Variants in CNTNAP2 observed in about 807,000 individuals in gnomAD.
The protein encoded by CNTNAP2 is contactin-associated protein-like 2.
In CNTNAP2, 98 loss-of-function variants were observed where a neutral mutation model predicts 155.2. The ratio of observed to expected loss-of-function variants is 0.63; its 90% confidence interval spans 0.54 to 0.75. The LOEUF is 0.75. CNTNAP2 is among the 30% of genes least tolerant of loss of function. The probability of loss-of-function intolerance (pLI) is 0.00; values close to 1 mark genes in which losing one functional copy is unlikely to be tolerated. For missense variants in CNTNAP2, 1,727 were observed against 1,688.1 expected (o/e 1.02, Z -0.40); for synonymous variants, 651 against 631.2 (o/e 1.03, Z -0.47).
chr7:146,731,760 C>G (rs1563208376), intron 1 of CNTNAP2, among the ~76,000 whole-genome samples: 1 of 152,050 alleles, frequency 6.6e-6, no homozygotes, highest in Non-Finnish European at 1.5e-5. Flanking sequence ...TTAACACATT[C>G]CAAAATTCCT....
chr7:147,027,782 C>G (rs1037326071), intron 3 of CNTNAP2, among the ~76,000 whole-genome samples: 2 of 152,116 alleles, frequency 1.3e-5, no homozygotes, highest in Non-Finnish European at 2.9e-5. Flanking sequence ...GGACCTCCAG[C>G]ACCTGGGACA....
intron 12 of CNTNAP2, among the ~76,000 whole-genome samples, chr7:147,610,561 A>T (rs2116876111): frequency 6.6e-6 from 1 of 152,202 alleles, no homozygotes; most frequent in African/African-American, 2.4e-5. Flanking sequence ...TAAAATGCAG[A>T]GTGGGTTATA....
intron 12 of CNTNAP2, among the ~76,000 whole-genome samples, chr7:147,579,255 T>C (rs1800453032): frequency 6.6e-6 from 1 of 152,152 alleles, no homozygotes. Context: ...TTATCATTCT[T>C]TGTTATCTCC....
chr7:146,910,244 G>A (rs1367202109), intron 3 of CNTNAP2, among the ~76,000 whole-genome samples: 2 of 147,548 alleles, frequency 1.4e-5, no homozygotes, highest in East Asian at 1.9e-4. Flanking sequence ...GTAATTTACA[G>A]ATTCAATGCC....
Position 147,395,712 on chromosome 7 carries a change from C to T in CNTNAP2, c.1602C>T (p.Tyr534=), listed in dbSNP as rs144620232. ...IQVDDQLVNL[Y]EVAQRKPGSF... The stretch of plus-strand genomic sequence containing the variant: ...TGGACGATCAACTTGTAAATTTATA[C>T]GAAGTGGCACAAAGGAAGCCGGGAA... Residue 534 remains tyrosine, a synonymous_variant, in exon 10 of 24, where the codon TAC becomes TAT. Transcript: ENST00000361727. 1.1e-5 allele frequency: 17 copies of T among 1,612,368 alleles called. No individual in the cohort carries two copies. Among genetic ancestry groups the T allele is most frequent in the Admixed American group, 6.7e-5 (4 of 59,868 alleles).
At chr7:148,080,604 CAA>C (rs199500286) in intron 15 of CNTNAP2, among the ~76,000 whole-genome samples, 3 of 69,728 alleles carry the variant, frequency 4.3e-5, no homozygotes, top group Admixed American at 1.6e-4. Flanking sequence ...GACTCCATCT[CAA>C]AAAAAAAAAA....
At chr7:147,523,813 G>A (rs564085086) in intron 11 of CNTNAP2, among the ~76,000 whole-genome samples, 10 of 152,226 alleles carry the variant, frequency 6.6e-5, no homozygotes, top group East Asian at 1.9e-4. Context: ...CAGATGTCTC[G>A]TATGGAGCTA....
intron 17 of CNTNAP2, among the ~76,000 whole-genome samples, chr7:148,162,842 T>C (rs201686725): frequency 4.8e-4 from 63 of 130,988 alleles, no homozygotes; most frequent in African/African-American, 1.6e-3. Flanking sequence ...CAAAAAAAAA[T>C]TTTTTTAATT....
Position 146,774,256 on chromosome 7 carries a change from G to A in CNTNAP2, c.98-15G>A. ...TTGTTGAGTGTCTCTCTCCCTCTCT[G>A]TCTTTTGTTTTCAGAAAAATGTGAT... On this transcript the variant is annotated splice_polypyrimidine_tract_variant and intron_variant, in intron 1 of 23. Coordinates refer to ENST00000361727, the MANE Select transcript of CNTNAP2 (RefSeq NM_014141.6). 1.9e-6 allele frequency: 3 copies of A among 1,598,710 alleles called. No homozygotes were observed. Among genetic ancestry groups the A allele is most frequent in the Non-Finnish European group, 2.6e-6 (3 of 1,167,106 alleles).
At chr7:147,958,719 C>G (rs1195113392) in intron 14 of CNTNAP2, among the ~76,000 whole-genome samples, 2 of 152,088 alleles carry the variant, frequency 1.3e-5, no homozygotes, top group African/African-American at 4.8e-5. Context: ...ATTATACTAC[C>G]ACAACTAAAA....
rs1805210722 is a variant in CNTNAP2, at chr7:148,147,537, A to T, written c.2601A>T (p.Val867=). 1.2e-6 allele frequency: 2 copies of T among 1,614,006 alleles called. No individual in the cohort carries two copies. Among genetic ancestry groups the T allele is most frequent in the Admixed American group, 1.7e-5 (1 of 59,994 alleles). The part of the protein sequence containing the change: ...SFSFDVGNGP[V]EIVVRSPTPL... ...CATTTGATGTGGGAAATGGGCCAGTAGAGATTGTAGTGAGGTCACCAACCC... is the reference window on the plus strand; with the variant it reads ...CATTTGATGTGGGAAATGGGCCAGTTGAGATTGTAGTGAGGTCACCAACCC... The change falls in exon 17 of 24, where the codon GTA becomes GTT. Residue 867 remains valine (V), a synonymous_variant. Coordinates refer to ENST00000361727, the MANE Select transcript of CNTNAP2 (RefSeq NM_014141.6).
At chr7:146,495,263 A>G (rs1309353890) in intron 1 of CNTNAP2, among the ~76,000 whole-genome samples, 2 of 152,146 alleles carry the variant, frequency 1.3e-5, no homozygotes, top group East Asian at 1.9e-4. Context: ...TTGTTTTCTC[A>G]TTTCCATGTC....
intron 13 of CNTNAP2, among the ~76,000 whole-genome samples, chr7:147,893,746 C>A (rs560682096): frequency 1.3e-5 from 2 of 152,338 alleles, no homozygotes; most frequent in South Asian, 4.1e-4. Flanking sequence ...TCACCTCCCC[C>A]ACTTCATCCT....
At chr7:146,457,069 G>A (rs895151654) in intron 1 of CNTNAP2, among the ~76,000 whole-genome samples, 1 of 151,904 alleles carries the variant, frequency 6.6e-6, no homozygotes, top group Non-Finnish European at 1.5e-5. Context: ...TCAGATTAAA[G>A]TTTTGCAGAT....
intron 12 of CNTNAP2, among the ~76,000 whole-genome samples, chr7:147,591,654 A>G (rs905054706): frequency 3.3e-5 from 5 of 152,126 alleles, no homozygotes; most frequent in Non-Finnish European, 1.5e-5. Flanking sequence ...CTTAATGATC[A>G]ATTGTCCCCA....
intron 21 of CNTNAP2, among the ~76,000 whole-genome samples, chr7:148,320,818 T>C (rs1199844353): frequency 6.6e-6 from 1 of 152,194 alleles, no homozygotes; most frequent in African/African-American, 2.4e-5. Flanking sequence ...AAAAAATTAA[T>C]TGAATACCCA....
At chr7:147,305,590 CT>C (rs1216986739) in intron 9 of CNTNAP2, among the ~76,000 whole-genome samples, 3 of 152,190 alleles carry the variant, frequency 2.0e-5, no homozygotes, top group Non-Finnish European at 2.9e-5. Flanking sequence ...TGTTTTCTAG[CT>C]CTTTTTCATT....
chr7:146,152,325 G>C (rs763157408), intron 1 of CNTNAP2, among the ~76,000 whole-genome samples: 3 of 152,072 alleles, frequency 2.0e-5, no homozygotes, highest in African/African-American at 7.2e-5. Context: ...TGCTGTCATA[G>C]AAGTAATGAG....
In CNTNAP2 at chr7:147,903,675, A is replaced by G; in HGVS notation, c.2209A>G (p.Thr737Ala). Residue 737 changes from threonine to alanine, a missense_variant, in exon 14 of 24, where the codon ACA (threonine) becomes GCA (alanine). Transcript: ENST00000361727. ...TGCCTGCGGCATCGAACGCAACTGCACAGATCCCAAGTACTACTGTAACTG... is the reference window on the plus strand; with the variant it reads ...TGCCTGCGGCATCGAACGCAACTGCGCAGATCCCAAGTACTACTGTAACTG... ...KCACGIERNC[T>A]DPKYYCNCDA... 5 of 1,614,002 alleles carry G rather than the reference A, an allele frequency of 3.1e-6. No individual in the cohort carries two copies. Among genetic ancestry groups the G allele is most frequent in the Non-Finnish European group, 4.2e-6 (5 of 1,179,966 alleles).
Sources: allele counts gnomAD v4.1 joint callset (sites outside exome capture counted in the v4.1 genomes callset), GRCh38; gene constraint gnomAD v4.1.1; transcripts MANE v1.5; gene names NCBI Gene and HGNC (gene_info 2026-07-23, HGNC 2026-07-21).